SVOPL: variants seen among roughly 807,000 people sequenced by gnomAD.
SVOPL encodes the protein SVOP like.
Under a neutral mutation model 61.0 loss-of-function variants are expected in SVOPL, and 60 were observed. The ratio of observed to expected loss-of-function variants is 0.98; its 90% CI spans 0.80 to 1.22. The LOEUF (loss-of-function observed/expected upper bound fraction) is 1.22, where lower values mean the gene tolerates loss of function less well. Among genes scored for constraint, SVOPL ranks in the 50% most tolerant of loss-of-function variants. The probability of loss-of-function intolerance (pLI) is 0.00; values close to 1 mark genes in which losing one functional copy is unlikely to be tolerated. For synonymous variants in SVOPL, 279 were observed against 250.0 expected (o/e 1.12, Z -1.09); for missense variants, 662 against 643.9 (o/e 1.03, Z -0.30).
chr7:138,684,778 T>C (rs2117130483), intron 1 of SVOPL, among the ~76,000 whole-genome samples: 1 of 152,228 alleles, frequency 6.6e-6, no homozygotes, highest in East Asian at 1.9e-4. Flanking sequence ...CCAAATGGAA[T>C]TGAAATCAGT....
intron 14 of SVOPL, among the ~76,000 whole-genome samples, chr7:138,597,638 C>CTGTGTGTGTG (rs1201281515): frequency 1.6e-4 from 17 of 103,062 alleles, no homozygotes; most frequent in East Asian, 9.4e-4. Flanking sequence ...TGTATAACGT[C>CTGTGTGTGTG]TGCGTGTGTG....
At chr7:138,640,208 G>C (rs960482916) in intron 9 of SVOPL, among the ~76,000 whole-genome samples, 2 of 94,786 alleles carry the variant, frequency 2.1e-5, no homozygotes. Context: ...CAAAGACAAT[G>C]ATTTTTTTTT....
chr7:138,696,624 A>G (rs1404347232), intron 1 of SVOPL, among the ~76,000 whole-genome samples: 5 of 151,988 alleles, frequency 3.3e-5, no homozygotes, highest in Admixed American at 6.6e-5. Context: ...GGATTTCACC[A>G]TGTTGGTCAG....
intron 14 of SVOPL, among the ~76,000 whole-genome samples, chr7:138,605,458 T>C (rs558114102): frequency 1.3e-5 from 2 of 152,132 alleles, no homozygotes; most frequent in African/African-American, 4.8e-5. Context: ...GGTCAGGAGC[T>C]TGAGATCAGC....
chr7:138,643,442 A>G (rs1038778611), intron 9 of SVOPL, among the ~76,000 whole-genome samples: 12 of 149,588 alleles, frequency 8.0e-5, no homozygotes, highest in Non-Finnish European at 1.3e-4. Flanking sequence ...AAAAAAAAAA[A>G]GAAAGTGAGG....
In SVOPL at chr7:138,653,940, AAAAAAAAAG is replaced by A. The variant is rs1251054883; in HGVS notation, c.534+2499_534+2507del. ...AGAGCAAGACTCTGTCTCAAAAAAA[AAAAAAAAAG>A]AAAAGAAAAGAAAAGAAAAGAAAAA... On this transcript the variant is annotated intron_variant, in intron 7 of 15. Transcript: ENST00000674285. Among the ~76,000 whole-genome samples, 206 of 149,694 alleles carry A rather than the reference AAAAAAAAAG, an allele frequency of 1.4e-3. 1 individual carries two copies. The highest frequency in any genetic ancestry group is 9.1e-3 in the South Asian group (42 of 4,638).
At chr7:138,623,923 G>A (rs1035677971) in intron 13 of SVOPL, among the ~76,000 whole-genome samples, 7 of 151,964 alleles carry the variant, frequency 4.6e-5, no homozygotes, top group African/African-American at 1.5e-4. Context: ...AGGTTCACAC[G>A]ATTCTCCTGC....
intron 4 of SVOPL, among the ~76,000 whole-genome samples, chr7:138,667,088 A>G (rs541027830): frequency 7.9e-5 from 12 of 152,354 alleles, no homozygotes; most frequent in African/African-American, 2.9e-4. Context: ...AAAGTTAATA[A>G]GAGGAGTTTT....
chr7:138,689,327 T>C (rs1802887502), intron 1 of SVOPL: 1 of 1,592,008 alleles, frequency 6.3e-7, no homozygotes, highest in African/African-American at 1.3e-5. Context: ...TCATTGAGCA[T>C]ATCCAAGTGA....
intron 3 of SVOPL, among the ~76,000 whole-genome samples, chr7:138,672,659 A>AAAAAAAAAG (rs1802456456): frequency 1.4e-4 from 19 of 131,452 alleles, no homozygotes; most frequent in South Asian, 2.5e-4. Flanking sequence ...TTGTGTTTAA[A>AAAAAAAAAG]AAAAAAAAAA....
intron 14 of SVOPL, among the ~76,000 whole-genome samples, chr7:138,605,816 G>A (rs1284603870): frequency 6.6e-6 from 1 of 152,094 alleles, no homozygotes; most frequent in Admixed American, 6.6e-5. Context: ...TGGCTGAGAG[G>A]GAGTCCTCGC....
chr7:138,655,320 A>G (rs565588398), intron 7 of SVOPL, among the ~76,000 whole-genome samples: 1 of 152,290 alleles, frequency 6.6e-6, no homozygotes, highest in East Asian at 1.9e-4. Flanking sequence ...CCTGGCCAAC[A>G]TGGTGAAACC....
intron 11 of SVOPL, 73 bp downstream of exon 11, chr7:138,628,085 T>G: frequency 6.4e-7 from 1 of 1,552,798 alleles, no homozygotes; most frequent in Non-Finnish European, 8.9e-7. Flanking sequence ...AGGGTCACAC[T>G]TCTCTCAGCT....
chr7:138,659,931 G>A lies in SVOPL; in HGVS notation c.403C>T (p.Pro135Ser), dbSNP rs1801928407. Residue 135 changes from proline to serine, a missense_variant, in exon 6 of 16, where the codon CCT becomes TCT. Physicochemically the swap from Pro to Ser is moderately conservative, Grantham distance 74. Coordinates refer to ENST00000674285, the MANE Select transcript of SVOPL (RefSeq NM_001139456.2). ...AGGAAGACAAACCAGATGTACGAAGGAGCAAACGAGGTCAGCAAGGAGAAA... is the reference window on the plus strand; with the variant it reads ...AGGAAGACAAACCAGATGTACGAAGAAGCAAACGAGGTCAGCAAGGAGAAA... ...AYFSLLTSFAPSYIWFVFLRT... is the reference protein window; with the variant it reads ...AYFSLLTSFASSYIWFVFLRT... The A allele has an allele frequency of 6.4e-7, 1 of 1,551,528 alleles. No individual in the cohort carries two copies. Among genetic ancestry groups the A allele is most frequent in the South Asian group, 1.2e-5 (1 of 84,050 alleles).
intron 14 of SVOPL, chr7:138,597,103 C>A: frequency 7.9e-7 from 1 of 1,261,290 alleles, no homozygotes; most frequent in Non-Finnish European, 1.0e-6. Flanking sequence ...TGTACACATG[C>A]TTTGGCCTGG....
intron 14 of SVOPL, among the ~76,000 whole-genome samples, chr7:138,617,022 G>T (rs922452342): frequency 1.3e-5 from 2 of 152,166 alleles, no homozygotes; most frequent in Non-Finnish European, 2.9e-5. Context: ...AGGCTGCCGT[G>T]CAGTGGCACA....
intron 14 of SVOPL, among the ~76,000 whole-genome samples, chr7:138,601,034 A>G (rs1798495645): frequency 6.6e-6 from 1 of 151,722 alleles, no homozygotes; most frequent in Admixed American, 6.6e-5. Context: ...GGTGGATCAC[A>G]AGGTCAGGAG....
At chr7:138,660,979 G>A (rs1009556133) in intron 5 of SVOPL, 34 of 982,266 alleles carry the variant, frequency 3.5e-5, no homozygotes, top group Non-Finnish European at 4.0e-5. Context: ...GATAACTCCT[G>A]TACTTTAATG....
At chr7:138,695,237 C>G (rs969811388) in intron 1 of SVOPL, among the ~76,000 whole-genome samples, 3 of 152,170 alleles carry the variant, frequency 2.0e-5, no homozygotes, top group Non-Finnish European at 4.4e-5. Context: ...TTCCGCCAGG[C>G]ACAATGGCTC....
Sources: gnomAD v4.1 joint callset for allele counts (sites outside exome capture counted in the v4.1 genomes callset) on GRCh38, gnomAD v4.1.1 for gene constraint, MANE v1.5 for transcripts, NCBI Gene and HGNC (gene_info 2026-07-23, HGNC 2026-07-21) for gene names.